Variants in LRP1B observed in about 807,000 individuals in gnomAD.
The protein encoded by LRP1B is LDL receptor related protein 1B.
Under a neutral mutation model 556.6 loss-of-function variants are expected in LRP1B, and 217 were observed. The ratio of observed to expected loss-of-function variants is 0.39; its 90% CI spans 0.35 to 0.44. The LOEUF is 0.44. Among genes scored for constraint, LRP1B ranks in the 20% least tolerant of loss-of-function variants. LRP1B has a pLI of 1.00. For missense variants in LRP1B, 5,053 were observed against 5,620.8 expected, an observed-to-expected ratio of 0.90 and a Z score of 3.23; for synonymous variants, 2,047 against 1,865.8, an observed-to-expected ratio of 1.10 and a Z score of -2.50.
chr2:140,253,538 A>G (rs1183028854), intron 86 of LRP1B, among the ~76,000 whole-genome samples: 1 of 152,094 alleles, frequency 6.6e-6, no homozygotes, highest in East Asian at 1.9e-4. Context: ...TAAGTTAGAA[A>G]TGTTTAAACA....
chr2:140,707,467 G>A (rs1440008007), intron 37 of LRP1B, among the ~76,000 whole-genome samples: 1 of 152,072 alleles, frequency 6.6e-6, no homozygotes, highest in Non-Finnish European at 1.5e-5. Flanking sequence ...CTTTACATGA[G>A]CATAAGCTTT....
chr2:141,993,367 A>G (rs531301369), intron 1 of LRP1B, among the ~76,000 whole-genome samples: 2 of 152,232 alleles, frequency 1.3e-5, no homozygotes, highest in African/African-American at 2.4e-5. Context: ...ACTGAGGCCT[A>G]TCACCATCTC....
At chr2:140,292,423 C>CCTTTGCATATGCTGTTCCCT (rs1281878320) in intron 84 of LRP1B, among the ~76,000 whole-genome samples, 1 of 152,066 alleles carries the variant, frequency 6.6e-6, no homozygotes, top group Non-Finnish European at 1.5e-5. Flanking sequence ...GAAGGCTTTC[C>CCTTTGCATATGCTGTTCCCT]CTTTGCATAT....
At chr2:140,469,257 G>C (rs1203827166) in intron 60 of LRP1B, among the ~76,000 whole-genome samples, 1 of 152,104 alleles carries the variant, frequency 6.6e-6, no homozygotes, top group Non-Finnish European at 1.5e-5. Context: ...AATGGGAATG[G>C]TGCCCTTATA....
intron 3 of LRP1B, among the ~76,000 whole-genome samples, chr2:141,474,803 T>C (rs952088511): frequency 1.3e-5 from 2 of 152,152 alleles, no homozygotes; most frequent in African/African-American, 2.4e-5. Context: ...TATGTGTGTA[T>C]GTATTTGTAT....
intron 41 of LRP1B, among the ~76,000 whole-genome samples, chr2:140,648,727 A>C (rs1684571845): frequency 6.6e-6 from 1 of 152,182 alleles, no homozygotes; most frequent in South Asian, 2.1e-4. Flanking sequence ...GTGGGCTTCA[A>C]GTCTCAAGAA....
In LRP1B at chr2:140,903,155, C is replaced by A. The variant is rs749805287; in HGVS notation, c.3531G>T (p.Ser1177=). The change falls in exon 23 of 91, where the codon TCG becomes TCT. Residue 1177 remains serine (S), a synonymous_variant. Coordinates refer to ENST00000389484, the MANE Select transcript of LRP1B (RefSeq NM_018557.3). ...GGTTGCTACAGCCTCCATTGTTCAG[C>A]GAACACTCATCTATAAAAAGGGGGG... ...SDEGYLCDEC[S]LNNGGCSNHC... 1.9e-6 allele frequency: 3 copies of A among 1,612,938 alleles called. No homozygotes were observed. The highest frequency in any genetic ancestry group is 2.5e-6 in the Non-Finnish European group (3 of 1,179,468).
At chr2:140,357,369 T>A (rs528032049) in intron 74 of LRP1B, among the ~76,000 whole-genome samples, 1 of 151,376 alleles carries the variant, frequency 6.6e-6, no homozygotes. Context: ...AAGTTTTAGA[T>A]GCATAAATTA....
intron 35 of LRP1B, among the ~76,000 whole-genome samples, chr2:140,750,542 T>C (rs1164241500): frequency 6.6e-6 from 1 of 152,208 alleles, no homozygotes; most frequent in African/African-American, 2.4e-5. Context: ...AGTAGATGAC[T>C]TTCCAGTGTA....
chr2:140,439,162 G>A (rs1045439068), intron 66 of LRP1B, among the ~76,000 whole-genome samples: 24 of 152,204 alleles, frequency 1.6e-4, no homozygotes, highest in African/African-American at 5.8e-4. Context: ...GGAGAGAGTA[G>A]GCTGAAGGTG....
intron 87 of LRP1B, among the ~76,000 whole-genome samples, chr2:140,240,940 A>G (rs1680922978): frequency 6.6e-6 from 1 of 150,924 alleles, no homozygotes; most frequent in Non-Finnish European, 1.5e-5. Flanking sequence ...GGGTGAGATA[A>G]TCCATACTGG....
chr2:141,408,380 G>A lies in LRP1B; in HGVS notation c.343+72016C>T, dbSNP rs538509851. The stretch of plus-strand genomic sequence containing the variant: ...AGGATGGTCTCGATCTCCTGACCTC[G>A]TGATCTGACCGCCTCGGCCTCCCAA... On this transcript the variant is annotated intron_variant, in intron 3 of 90. Coordinates refer to ENST00000389484, the MANE Select transcript of LRP1B (RefSeq NM_018557.3). 3.9e-5 allele frequency among the ~76,000 whole-genome samples: 6 copies of A among 151,904 alleles called. No homozygotes were observed. The East Asian group carries it at 7.8e-4, about 20-fold the overall frequency.
At position 140,992,043 on chromosome 2, in the gene LRP1B, T is replaced by C. The variant is rs182163476; in HGVS notation, c.2644+1952A>G. 3.6e-3 allele frequency among the ~76,000 whole-genome samples: 544 copies of C among 152,148 alleles called. 3 individuals are homozygous for C. Among genetic ancestry groups the C allele is most frequent in the Non-Finnish European group, 4.8e-3 (326 of 67,966 alleles). On this transcript the variant is annotated intron_variant, in intron 16 of 90. Coordinates refer to ENST00000389484, the MANE Select transcript of LRP1B (RefSeq NM_018557.3). ...ATCGCTCTGAAAATAGTGTGGAAAG[T>C]GGGCTAAAGTTAAGGGAGGAATAGT...
At chr2:141,675,460 A>G (rs1690839320) in intron 2 of LRP1B, among the ~76,000 whole-genome samples, 1 of 151,860 alleles carries the variant, frequency 6.6e-6, no homozygotes, top group African/African-American at 2.4e-5. Context: ...CATAGTCCAG[A>G]GGCATCAGGT....
chr2:141,130,122 TA>T (rs1222066867), intron 7 of LRP1B, among the ~76,000 whole-genome samples: 37 of 152,090 alleles, frequency 2.4e-4, no homozygotes, highest in African/African-American at 7.0e-4. Flanking sequence ...GAGTGGCCAT[TA>T]AAAAATATTT....
intron 2 of LRP1B, among the ~76,000 whole-genome samples, chr2:141,796,033 A>G (rs575713149): frequency 6.0e-5 from 9 of 151,194 alleles, no homozygotes; most frequent in African/African-American, 1.9e-4. Flanking sequence ...CAGCTACTTA[A>G]TAGTATATTA....
intron 31 of LRP1B, among the ~76,000 whole-genome samples, chr2:140,834,342 C>T (rs1482511797): frequency 1.3e-5 from 2 of 152,140 alleles, no homozygotes; most frequent in Non-Finnish European, 1.5e-5. Flanking sequence ...TGAGTTCAAG[C>T]GATCCTCCTG....
chr2:141,343,568 T>C (rs2105521669), intron 3 of LRP1B, among the ~76,000 whole-genome samples: 1 of 152,314 alleles, frequency 6.6e-6, no homozygotes, highest in East Asian at 1.9e-4. Flanking sequence ...TTCTGGTCTT[T>C]ATGTTAAGCT....
chr2:141,068,234 G>A (rs2105477972), intron 7 of LRP1B, among the ~76,000 whole-genome samples: 1 of 152,118 alleles, frequency 6.6e-6, no homozygotes, highest in East Asian at 1.9e-4. Context: ...CACACCAAGG[G>A]AATAGAGGAC....
Sources: allele counts gnomAD v4.1 joint callset (sites outside exome capture counted in the v4.1 genomes callset), GRCh38; gene constraint gnomAD v4.1.1; transcripts MANE v1.5; gene names NCBI Gene and HGNC (gene_info 2026-07-23, HGNC 2026-07-21).